CPQ: variants seen among roughly 807,000 people sequenced by gnomAD.
The protein encoded by CPQ is Ser-Met dipeptidase.
Under a neutral mutation model 45.7 loss-of-function variants are expected in CPQ, and 37 were observed. The ratio of observed to expected loss-of-function variants is 0.81; its 90% CI spans 0.62 to 1.07. CPQ has a LOEUF of 1.07. CPQ is among the 50% of genes least tolerant of loss of function. The pLI is 0.00. For missense variants in CPQ, 537 were observed against 572.9 expected (o/e 0.94, Z 0.64); for synonymous variants, 186 against 205.8 (o/e 0.90, Z 0.82).
chr8:97,117,712 A>AT (rs1048855177), intron 7 of CPQ, among the ~76,000 whole-genome samples: 2 of 151,606 alleles, frequency 1.3e-5, no homozygotes, highest in African/African-American at 4.8e-5. Flanking sequence ...TTTTATTTTT[A>AT]TTTTTTTGTA....
rs141818954 is a variant in CPQ at position 97,082,931 on chromosome 8, C to T, written c.1255+16721C>T. On this transcript the variant is annotated intron_variant, in intron 7 of 7. Coordinates refer to ENST00000220763, the MANE Select transcript of CPQ (RefSeq NM_016134.4). Reference sequence around the variant, plus strand: ...CCAAGAATAAGGCAATGAGGTAAAACAACCACAAAAGGCCCAGAAACATCC... The same window carrying T: ...CCAAGAATAAGGCAATGAGGTAAAATAACCACAAAAGGCCCAGAAACATCC... 7.9e-4 allele frequency among the ~76,000 whole-genome samples: 120 copies of T among 152,310 alleles called. 1 individual carries two copies. The highest frequency in any genetic ancestry group is 1.6e-3 in the Non-Finnish European group (108 of 68,026).
At chr8:96,953,187 G>T (rs1403116413) in intron 4 of CPQ, among the ~76,000 whole-genome samples, 1 of 152,088 alleles carries the variant, frequency 6.6e-6, no homozygotes, top group Non-Finnish European at 1.5e-5. Context: ...CTGAATAGTG[G>T]TCATAATAAG....
At chr8:97,142,715 GCTTTTTGCC>G in intron 7 of CPQ, among the ~76,000 whole-genome samples, 1 of 152,256 alleles carries the variant, frequency 6.6e-6, no homozygotes, top group East Asian at 1.9e-4. Context: ...TAGTTTAGGG[GCTTTTTGCC>G]CCATGCAGCT....
At chr8:96,816,284 C>T (rs1811227873) in intron 2 of CPQ, among the ~76,000 whole-genome samples, 1 of 152,092 alleles carries the variant, frequency 6.6e-6, no homozygotes, top group South Asian at 2.1e-4. Flanking sequence ...TCAGGAAACT[C>T]GTTTATTTGC....
rs1586508744 is a variant in CPQ at position 97,040,404 on chromosome 8, T to A, written c.1053+10910T>A. On this transcript the variant is annotated intron_variant, in intron 6 of 7. Transcript: ENST00000220763. Reference sequence around the variant, plus strand: ...ATTAGCCCTTTGTCAGATGAGTAGGTTGTGAAAATTTTCTCCCATTTTGTA... The same window carrying A: ...ATTAGCCCTTTGTCAGATGAGTAGGATGTGAAAATTTTCTCCCATTTTGTA... Among the ~76,000 whole-genome samples, 8 of 151,428 alleles carry A rather than the reference T, an allele frequency of 5.3e-5. No individual in the cohort carries two copies. The South Asian group carries it at 1.5e-3, about 28-fold the overall frequency.
intron 7 of CPQ, among the ~76,000 whole-genome samples, chr8:97,105,466 C>T (rs1811388737): frequency 6.6e-6 from 1 of 152,154 alleles, no homozygotes; most frequent in Admixed American, 6.5e-5. Context: ...TTTTATTCAG[C>T]AGTGGACATT....
chr8:96,861,419 A>G (rs1040627512), intron 3 of CPQ, among the ~76,000 whole-genome samples: 1 of 152,104 alleles, frequency 6.6e-6, no homozygotes, highest in Non-Finnish European at 1.5e-5. Context: ...GGGAAAAGCA[A>G]TAAGGATTGA....
chr8:97,140,474 G>A (rs1812140424), intron 7 of CPQ, among the ~76,000 whole-genome samples: 1 of 151,724 alleles, frequency 6.6e-6, no homozygotes, highest in African/African-American at 2.4e-5. Flanking sequence ...ATTTACAATA[G>A]CAACAAAATA....
chr8:96,761,962 C>CT (rs1028927008), intron 1 of CPQ, among the ~76,000 whole-genome samples: 15 of 152,130 alleles, frequency 9.9e-5, no homozygotes, highest in African/African-American at 3.1e-4. Flanking sequence ...AATTCATCAG[C>CT]CACAGATCTC....
At chr8:96,759,979 C>A (rs1342638595) in intron 1 of CPQ, among the ~76,000 whole-genome samples, 1 of 152,198 alleles carries the variant, frequency 6.6e-6, no homozygotes, top group Non-Finnish European at 1.5e-5. Flanking sequence ...TGGTCCAAGT[C>A]ACACAGCTAG....
At chr8:97,002,769 C>G (rs1208468319) in intron 5 of CPQ, among the ~76,000 whole-genome samples, 1 of 152,020 alleles carries the variant, frequency 6.6e-6, no homozygotes, top group African/African-American at 2.4e-5. Context: ...TCTATTTGAT[C>G]TAGGTCCATT....
intron 6 of CPQ, among the ~76,000 whole-genome samples, chr8:97,060,248 A>T (rs556169626): frequency 2.2e-4 from 33 of 152,284 alleles, no homozygotes; most frequent in African/African-American, 7.5e-4. Context: ...TGCAATATGT[A>T]TTTTAAACAC....
intron 5 of CPQ, among the ~76,000 whole-genome samples, chr8:96,975,103 G>A (rs189688300): frequency 2.0e-5 from 3 of 151,964 alleles, no homozygotes; most frequent in African/African-American, 7.2e-5. Context: ...AGACCAACGA[G>A]ATTAACCAAG....
chr8:96,755,405 A>G lies in CPQ; in HGVS notation c.-34-29459A>G, dbSNP rs555208124. On this transcript the variant is annotated intron_variant, in intron 1 of 7. Transcript: ENST00000220763. The stretch of plus-strand genomic sequence containing the variant: ...ATTATTACTTTCATTATTTTAAAAT[A>G]GAATTTGCTATTAATTTAAATTTCT... Among the ~76,000 whole-genome samples the G allele has an allele frequency of 1.4e-3, 217 of 151,962 alleles. 4 individuals are homozygous for G. Among genetic ancestry groups the G allele is most frequent in the Admixed American group, 0.011 (168 of 15,266 alleles).
At chr8:97,068,910 A>G (rs187962223) in intron 7 of CPQ, among the ~76,000 whole-genome samples, 6 of 152,280 alleles carry the variant, frequency 3.9e-5, no homozygotes, top group African/African-American at 1.2e-4. Flanking sequence ...CACAATATGC[A>G]ACAACACTGA....
intron 3 of CPQ, among the ~76,000 whole-genome samples, chr8:96,876,041 T>C (rs1812140837): frequency 6.6e-6 from 1 of 152,016 alleles, no homozygotes; most frequent in South Asian, 2.1e-4. Context: ...TATTTTATTG[T>C]TTTTATTATG....
At chr8:97,140,012 T>TAAAA (rs35599124) in intron 7 of CPQ, among the ~76,000 whole-genome samples, 1 of 147,966 alleles carries the variant, frequency 6.8e-6, no homozygotes, top group African/African-American at 2.5e-5. Context: ...AAGCAAGATT[T>TAAAA]AAAAAAAAAA....
intron 1 of CPQ, among the ~76,000 whole-genome samples, chr8:96,708,648 C>G (rs1037011128): frequency 1.3e-5 from 2 of 151,984 alleles, no homozygotes; most frequent in Non-Finnish European, 2.9e-5. Flanking sequence ...CATTAGTTTC[C>G]TGTGAAGGAT....
Position 97,029,423 on chromosome 8 carries a change from C to T in CPQ, c.982C>T (p.Leu328=), listed in dbSNP as rs1045118838. 2.5e-6 allele frequency: 4 copies of T among 1,607,634 alleles called. No individual in the cohort carries two copies. The African/African-American group carries it at 4.0e-5, about 16-fold the overall frequency. ...KDLGLRPKRT[L]RLVLWTAEEQ... ...CCCAGGGCTGCGTCCAAAGAGGACT[C>T]TGCGGCTGGTGCTCTGGACTGCAGA... is the stretch of plus-strand genomic sequence containing the variant. The change falls in exon 6 of 8, where the codon CTG becomes TTG. Residue 328 remains leucine, a synonymous_variant. Coordinates refer to ENST00000220763, the MANE Select transcript of CPQ (RefSeq NM_016134.4).
Sources: allele counts gnomAD v4.1 joint callset (sites outside exome capture counted in the v4.1 genomes callset), GRCh38; gene constraint gnomAD v4.1.1; transcripts MANE v1.5; gene names NCBI Gene and HGNC (gene_info 2026-07-23, HGNC 2026-07-21).